The following RP9 variants were observed in gnomAD, a reference collection of about 807,000 sequenced individuals.
RP9 encodes retinitis pigmentosa 9 protein.
A neutral mutation model predicts 32.6 loss-of-function variants in RP9; 23 were observed. That is an observed-to-expected ratio of 0.71 (90% CI 0.51 to 1.00). RP9 has a LOEUF of 1.00. RP9 is among the 50% of genes least tolerant of loss of function. The pLI, the probability that RP9 is intolerant of heterozygous loss-of-function variation, is 0.00. For synonymous variants in RP9, 94 were observed against 103.6 expected (o/e 0.91, Z 0.56); for missense variants, 245 against 285.3 (o/e 0.86, Z 1.02).
At chr7:33,103,639 T>G (rs1275760407) in intron 1 of RP9, among the ~76,000 whole-genome samples, 1 of 151,726 alleles carries the variant, frequency 6.6e-6, no homozygotes, top group East Asian at 1.9e-4. Flanking sequence ...CATAGTAAGA[T>G]TCCATCTCTA....
rs1316639325 is a variant in RP9, at chr7:33,109,385, A to G, written c.-13T>C. ...GCCGGGACGACATGTCAGCCCCCGC[A>G]GCGCCGCTCGGGCAACCCCCGCGGC... On this transcript the variant is annotated 5_prime_UTR_variant, in exon 1 of 6. Coordinates refer to ENST00000297157, the MANE Select transcript of RP9 (RefSeq NM_203288.2). This position sits in a 1 kb window ranked among gnomAD's most constrained non-coding sequence, Gnocchi z 4.9. 9 of 1,250,484 alleles carry G rather than the reference A, an allele frequency of 7.2e-6. No homozygotes were observed. In the South Asian group the frequency reaches 1.1e-4, roughly 15 times the overall value. The allele number at this position is 1,250,484 out of a possible 1,614,324, so 77.5% of individuals were successfully genotyped here. A position where few individuals can be genotyped will look rare whatever the true frequency, so the allele number is the denominator to read the frequency against.
Position 33,100,829 on chromosome 7 carries a change from C to G in RP9, c.153-268G>C, listed in dbSNP as rs116003486. ...GAGGAGACCCAGAATGCTGAGCACG[C>G]AAGTCTCCAGATGGGACAGGCAGCA... On this transcript the variant is annotated intron_variant, in intron 1 of 5. Coordinates refer to ENST00000297157, the MANE Select transcript of RP9 (RefSeq NM_203288.2). 6.8e-4 allele frequency: 420 copies of G among 614,294 alleles called. 1 individual carries two copies. Among genetic ancestry groups the G allele is most frequent in the African/African-American group, 6.5e-3 (354 of 54,680 alleles). 38.1% of individuals were successfully genotyped at this position (614,294 alleles called of 1,614,324 possible). A position where few individuals can be genotyped will look rare whatever the true frequency, so the allele number is the denominator to read the frequency against.
At position 33,107,957 on chromosome 7, in the gene RP9, G is replaced by A. The variant is rs1234483360; in HGVS notation, c.152+1264C>T. 3.9e-5 allele frequency among the ~76,000 whole-genome samples: 6 copies of A among 152,272 alleles called. No individual in the cohort carries two copies. The East Asian group carries it at 1.2e-3, about 29-fold the overall frequency. On this transcript the variant is annotated intron_variant, in intron 1 of 5. Coordinates refer to ENST00000297157, the MANE Select transcript of RP9 (RefSeq NM_203288.2). ...ATAGCTGGATTCCATACAGCCTGGC[G>A]TTTGCCTTCTTTGAACAGGGTTTCA...
rs1045835986 is a variant in RP9, at chr7:33,109,204, G to A, written c.152+17C>T. 6.0e-6 allele frequency: 9 copies of A among 1,490,312 alleles called. No individual in the cohort carries two copies. The highest frequency in any genetic ancestry group is 1.5e-5 in the African/African-American group (1 of 68,070). The allele number at this position is 1,490,312 out of a possible 1,614,324, so 92.3% of individuals were successfully genotyped here. A position where few individuals can be genotyped will look rare whatever the true frequency, so the allele number is the denominator to read the frequency against. ...TTCAGAAGACTGGCCGCGCGCGGAC[G>A]GCAGCTCGGGACTCACAAGGACTCC... is the stretch of plus-strand genomic sequence containing the variant. On this transcript the variant is annotated intron_variant, in intron 1 of 5. Transcript: ENST00000297157. The surrounding 1 kb of genome is among the most constrained non-coding windows in gnomAD (Gnocchi z 4.9).
chr7:33,096,408 T>G (rs956348132), intron 5 of RP9, 85 bp downstream of exon 5: 2 of 930,126 alleles, frequency 2.2e-6, no homozygotes, highest in African/African-American at 1.6e-5. Flanking sequence ...TACTGCACCA[T>G]TCCTCTAACA....
intron 1 of RP9, chr7:33,100,771 G>A: frequency 1.4e-6 from 1 of 689,778 alleles, no homozygotes; most frequent in Non-Finnish European, 2.7e-6. Context: ...GACTGGCCAG[G>A]CCTTCCTTAT....
intron 3 of RP9, 75 bp from the exon 4 acceptor site, chr7:33,097,437 T>C: frequency 1.9e-6 from 2 of 1,058,616 alleles, no homozygotes; most frequent in South Asian, 1.3e-5. Flanking sequence ...GCAGAATATA[T>C]TCAAGTTTTT....
chr7:33,101,787 A>C (rs1011014720), intron 1 of RP9, among the ~76,000 whole-genome samples: 10 of 152,168 alleles, frequency 6.6e-5, no homozygotes, highest in Non-Finnish European at 1.3e-4. Flanking sequence ...TAGGTGCTTA[A>C]AATATTTCTA....
At chr7:33,101,782 G>A (rs1788428778) in intron 1 of RP9, among the ~76,000 whole-genome samples, 1 of 152,104 alleles carries the variant, frequency 6.6e-6, no homozygotes. Flanking sequence ...CAAAGTAGGT[G>A]CTTAAAATAT....
intron 3 of RP9, among the ~76,000 whole-genome samples, chr7:33,098,184 G>A (rs560039837): frequency 6.6e-6 from 1 of 151,950 alleles, no homozygotes; most frequent in South Asian, 2.1e-4. Context: ...CCAGGAGTTC[G>A]AGACTAGCTT....
chr7:33,101,004 A>AGC, intron 1 of RP9: 1 of 314,100 alleles, frequency 3.2e-6, no homozygotes. Context: ...CCTTTAGGGA[A>AGC]GTATTTTTTT....
In RP9 at chr7:33,109,383, G is replaced by A. The variant is rs1263223535; in HGVS notation, c.-11C>T. ...AGGCCGGGACGACATGTCAGCCCCC[G>A]CAGCGCCGCTCGGGCAACCCCCGCG... On this transcript the variant is annotated 5_prime_UTR_variant, in exon 1 of 6. Transcript: ENST00000297157. The surrounding 1 kb of genome is among the most constrained non-coding windows in gnomAD (Gnocchi z 4.9). 2 of 1,262,460 alleles carry A rather than the reference G, an allele frequency of 1.6e-6. No homozygotes were observed. The highest frequency in any genetic ancestry group is 2.0e-6 in the Non-Finnish European group (2 of 998,856). The allele number at this position is 1,262,460 out of a possible 1,614,324, so 78.2% of individuals were successfully genotyped here.
At chr7:33,104,139 AAGAC>A (rs1341362134) in intron 1 of RP9, among the ~76,000 whole-genome samples, 2 of 152,204 alleles carry the variant, frequency 1.3e-5, no homozygotes, top group South Asian at 2.1e-4. Context: ...TGAAAATACA[AAGAC>A]AGAAGAGATA....
At chr7:33,100,846 C>T in intron 1 of RP9, 4 of 574,694 alleles carry the variant, frequency 7.0e-6, no homozygotes, top group Non-Finnish European at 3.3e-6. Flanking sequence ...CCAGATGGGA[C>T]AGGCAGCAAG....
In RP9 at chr7:33,109,296, A is replaced by C; in HGVS notation, c.77T>G (p.Leu26Arg). The change falls in exon 1 of 6, where the codon CTG (leucine) becomes CGG (arginine). Residue 26 changes from leucine (L) to arginine (R), a missense_variant. Transcript: ENST00000297157. The surrounding 1 kb of genome is among the most constrained non-coding windows in gnomAD (Gnocchi z 4.9). ...CCGCTTCTGCTCCCGACGTCGCTGC[A>C]GCTCCTGCTCCGGCGGCTCACGCGG... ...RRPREPPEQE[L>R]QRRREQKRRR... The C allele has an allele frequency of 2.0e-6, 3 of 1,480,444 alleles. No homozygotes were observed. The highest frequency in any genetic ancestry group is 2.7e-6 in the Non-Finnish European group (3 of 1,119,814). The allele number at this position is 1,480,444 out of a possible 1,614,324, so 91.7% of individuals were successfully genotyped here.
chr7:33,099,426 G>T lies in RP9; in HGVS notation c.194C>A (p.Thr65Asn), dbSNP rs748248251. 16 of 1,612,916 alleles carry T rather than the reference G, an allele frequency of 9.9e-6. No homozygotes were observed. The highest frequency in any genetic ancestry group is 1.4e-5 in the Non-Finnish European group (16 of 1,179,856). ...PPPGLIKEDE[T>N]KPEDCIPDVP... is the part of the protein sequence containing the mutation. ...ATCTGGTATGCAATCTTCTGGCTTAGTCTCATCTTCCTAAAAAAGGGAACA... is the reference window on the plus strand; with the variant it reads ...ATCTGGTATGCAATCTTCTGGCTTATTCTCATCTTCCTAAAAAAGGGAACA... The change falls in exon 3 of 6, where the codon ACT becomes AAT. Residue 65 changes from threonine to asparagine, a missense_variant. Physicochemically the swap from Thr to Asn is moderately conservative, Grantham distance 65 (BLOSUM62 0). Transcript: ENST00000297157.
intron 1 of RP9, among the ~76,000 whole-genome samples, chr7:33,104,064 G>A (rs1382802129): frequency 6.6e-6 from 1 of 152,016 alleles, no homozygotes; most frequent in East Asian, 1.9e-4. Flanking sequence ...ATGAGAAAAA[G>A]CTTTTTGATT....
chr7:33,096,560 G>A lies in RP9; in HGVS notation c.406-6C>T, dbSNP rs747396655. The A allele has an allele frequency of 1.0e-5, 16 of 1,607,372 alleles. No individual in the cohort carries two copies. In the South Asian group the frequency reaches 1.6e-4, roughly 17 times the overall value. The stretch of plus-strand genomic sequence containing the variant: ...TACATGGGATCTTCATGTGCCTTAA[G>A]GGTCAGAGAAGGTTAAGGTTTGGTT... On this transcript the variant is annotated splice_polypyrimidine_tract_variant and splice_region_variant and intron_variant, in intron 4 of 5. Transcript: ENST00000297157.
rs539494901 is a variant in RP9 at position 33,095,277 on chromosome 7, T to C, written c.623A>G (p.Lys208Arg). 1.9e-6 allele frequency: 3 copies of C among 1,612,854 alleles called. No individual in the cohort carries two copies. Among genetic ancestry groups the C allele is most frequent in the Non-Finnish European group, 2.5e-6 (3 of 1,179,450 alleles). ...KKEKKKKKKR[K>R]HKSSKSNEGS... is the part of the protein sequence containing the mutation. ...CTCATTTGACTTGGAAGATTTGTGC[T>C]TCCGTTTTTTCTTCTTTTTCTTTTC... The change falls in exon 6 of 6, where the codon AAG (lysine) becomes AGG (arginine). Residue 208 changes from lysine (K) to arginine (R), a missense_variant. By Grantham distance (26) the Lys-to-Arg change is conservative (BLOSUM62 2). Around this residue, in one of 2 missense-constraint regions of RP9, gnomAD observed 63 missense variants for 109.8 expected, o/e 0.57. Transcript: ENST00000297157.
Sources: gnomAD v4.1 joint callset for allele counts (sites outside exome capture counted in the v4.1 genomes callset) on GRCh38, gnomAD v4.1.1 for gene constraint, gnomAD v4.1.1 regional missense constraint, Gnocchi (gnomAD v3.1) non-coding constraint, MANE v1.5 for transcripts, NCBI Gene and HGNC (gene_info 2026-07-23, HGNC 2026-07-21) for gene names.